The following RBFOX1 variants were observed in gnomAD, a reference collection of about 807,000 sequenced individuals.
The protein encoded by RBFOX1 is RNA binding protein fox-1 homolog 1.
A neutral mutation model predicts 57.7 loss-of-function variants in RBFOX1; 8 were observed. The observed-to-expected ratio is 0.14, with a 90% CI of 0.08 to 0.25. The LOEUF is 0.25. RBFOX1 is among the 10% of genes least tolerant of loss of function. The pLI, the probability that RBFOX1 is intolerant of heterozygous loss-of-function variation, is 1.00. For synonymous variants in RBFOX1, 326 were observed against 222.4 expected (o/e 1.47, Z -4.15); for missense variants, 611 against 548.5 (o/e 1.11, Z -1.14).
intron 2 of RBFOX1, among the ~76,000 whole-genome samples, chr16:6,481,531 A>G (rs1206565196): frequency 1.3e-5 from 2 of 152,210 alleles, no homozygotes; most frequent in Non-Finnish European, 1.5e-5. Context: ...TTTGTGAATC[A>G]AATTATTCCA....
chr16:6,442,139 C>T (rs1051693391), intron 2 of RBFOX1, among the ~76,000 whole-genome samples: 2 of 152,186 alleles, frequency 1.3e-5, no homozygotes, highest in African/African-American at 2.4e-5. Flanking sequence ...AGCCCTTCAG[C>T]AGCCAGTGAG....
At chr16:6,150,269 C>A (rs565809248) in intron 1 of RBFOX1, among the ~76,000 whole-genome samples, 1 of 152,010 alleles carries the variant, frequency 6.6e-6, no homozygotes, top group Non-Finnish European at 1.5e-5. Context: ...AACAGAATCC[C>A]CAGGAAGTTT....
intron 4 of RBFOX1, among the ~76,000 whole-genome samples, chr16:7,404,251 C>T (rs558547710): frequency 6.6e-6 from 1 of 152,004 alleles, no homozygotes; most frequent in African/African-American, 2.4e-5. Context: ...CGGGGTTTCA[C>T]CATGTTAGTC....
chr16:6,871,969 C>G (rs775954306), intron 3 of RBFOX1, among the ~76,000 whole-genome samples: 17 of 139,500 alleles, frequency 1.2e-4, no homozygotes, highest in Non-Finnish European at 6.2e-5. Flanking sequence ...GTGTTTCCCT[C>G]GGTAGAGTAT....
intron 3 of RBFOX1, among the ~76,000 whole-genome samples, chr16:6,664,860 G>T (rs1220973325): frequency 6.6e-6 from 1 of 152,144 alleles, no homozygotes. Context: ...TCCCGGTTCT[G>T]CCCCTTCACC....
rs568278232 is a variant in RBFOX1, at chr16:7,383,215, A to G, written c.28-134932A>G. On this transcript the variant is annotated intron_variant, in intron 4 of 15. Transcript: ENST00000550418. Reference sequence around the variant, plus strand: ...ATTTCTCATGGCATGCCTGTATCAAAACATCTCATGTATCCCATAAACATA... The same window carrying G: ...ATTTCTCATGGCATGCCTGTATCAAGACATCTCATGTATCCCATAAACATA... Among the ~76,000 whole-genome samples, 5 of 152,154 alleles carry G rather than the reference A, an allele frequency of 3.3e-5. No individual in the cohort carries two copies. The South Asian group carries it at 1.0e-3, about 32-fold the overall frequency.
chr16:6,112,144 A>C (rs544392952), intron 1 of RBFOX1, among the ~76,000 whole-genome samples: 1 of 152,334 alleles, frequency 6.6e-6, no homozygotes, highest in Admixed American at 6.5e-5. Context: ...AGCTGGAGCC[A>C]ATTAACCATT....
Position 5,829,650 on chromosome 16 carries a change from G to T in RBFOX1, c.319-37653G>T, listed in dbSNP as rs78412599. On this transcript the variant is annotated intron_variant, in intron 3 of 19. Coordinates refer to the RBFOX1 transcript ENST00000641259. ...CCCTGCTCATGATCTCCCATGGGCT[G>T]TGTAGATCTGCTGTCCATGAGCCAG... Among the ~76,000 whole-genome samples the T allele has an allele frequency of 6.7e-3, 1,021 of 152,126 alleles. 14 individuals are homozygous for T. Among genetic ancestry groups the T allele is most frequent in the African/African-American group, 0.023 (966 of 41,508 alleles).
chr16:6,834,983 C>T (rs558379159), intron 3 of RBFOX1, among the ~76,000 whole-genome samples: 1 of 151,386 alleles, frequency 6.6e-6, no homozygotes, highest in African/African-American at 2.4e-5. Context: ...AGCTTCATCT[C>T]CCAGGTTCAC....
intron 1 of RBFOX1, among the ~76,000 whole-genome samples, chr16:6,310,755 G>A (rs1393950492): frequency 6.6e-6 from 1 of 152,148 alleles, no homozygotes; most frequent in African/African-American, 2.4e-5. Context: ...AAAGACAGAT[G>A]TAGAGACAGA....
At chr16:5,610,756 C>G (rs765467585) in intron 3 of RBFOX1, 4 of 152,022 alleles carry the variant, frequency 2.6e-5, no homozygotes, top group Non-Finnish European at 5.9e-5. Flanking sequence ...CAGTCCCAGC[C>G]ACTCCAGAGG....
At chr16:6,871,645 C>A (rs1301399937) in intron 3 of RBFOX1, among the ~76,000 whole-genome samples, 1 of 151,746 alleles carries the variant, frequency 6.6e-6, no homozygotes, top group East Asian at 1.9e-4. Context: ...GCCTGGAGTG[C>A]TGTCAACACT....
rs184235126 is a variant in RBFOX1 at position 7,695,296 on chromosome 16, T to C, written c.996-13760T>C. 2.0e-5 allele frequency among the ~76,000 whole-genome samples: 3 copies of C among 152,300 alleles called. No homozygotes were observed. The East Asian group carries it at 5.8e-4, about 29-fold the overall frequency. ...AGATTATCTCCCAGCAAGTTCACCT[T>C]GCTCATAGAGCGAAAATGAAAAATC... On this transcript the variant is annotated intron_variant, in intron 14 of 15. Coordinates refer to ENST00000550418, the MANE Select transcript of RBFOX1 (RefSeq NM_018723.4).
intron 4 of RBFOX1, among the ~76,000 whole-genome samples, chr16:7,354,189 TC>T (rs1373110748): frequency 6.6e-6 from 1 of 152,138 alleles, no homozygotes; most frequent in Non-Finnish European, 1.5e-5. Flanking sequence ...CAGACTGGTC[TC>T]AAACTCCTGA....
Position 5,972,296 on chromosome 16 carries a change from G to C in RBFOX1, c.351+104961G>C, listed in dbSNP as rs556719120. Among the ~76,000 whole-genome samples, 6 of 152,108 alleles carry C rather than the reference G, an allele frequency of 3.9e-5. No homozygotes were observed. The East Asian group carries it at 1.2e-3, about 29-fold the overall frequency. On this transcript the variant is annotated intron_variant, in intron 4 of 19. Coordinates refer to the RBFOX1 transcript ENST00000641259. ...TGCTAAGTGGATTCCTAGAAAAAAT[G>C]TTATTTCCATAGGCTACACATGGAA...
chr16:5,903,949 C>T (rs1040182023), intron 4 of RBFOX1, among the ~76,000 whole-genome samples: 3 of 152,140 alleles, frequency 2.0e-5, no homozygotes, highest in African/African-American at 7.2e-5. Context: ...ACGTTTTCCT[C>T]TAAGCTGGGT....
chr16:5,722,924 T>C (rs2051990407), intron 3 of RBFOX1, among the ~76,000 whole-genome samples: 1 of 152,192 alleles, frequency 6.6e-6, no homozygotes, highest in Non-Finnish European at 1.5e-5. Context: ...TCTCACCATA[T>C]TTAATGATCG....
intron 4 of RBFOX1, among the ~76,000 whole-genome samples, chr16:7,095,115 T>TC (rs1329230304): frequency 2.0e-5 from 3 of 152,082 alleles, no homozygotes; most frequent in African/African-American, 2.4e-5. Flanking sequence ...TTTCTTTCTT[T>TC]TTTCTTTTTC....
At chr16:5,540,916 C>A (rs1029212733) in intron 2 of RBFOX1, among the ~76,000 whole-genome samples, 2 of 151,576 alleles carry the variant, frequency 1.3e-5, no homozygotes, top group African/African-American at 4.9e-5. Context: ...GTGGTGTGAT[C>A]TCGGCTCACT....
Sources: gnomAD v4.1 joint callset for allele counts (sites outside exome capture counted in the v4.1 genomes callset) on GRCh38, gnomAD v4.1.1 for gene constraint, MANE v1.5 for transcripts, NCBI Gene and HGNC (gene_info 2026-07-23, HGNC 2026-07-21) for gene names.